Variants in JRK observed in about 807,000 individuals in gnomAD.
The protein encoded by JRK is jerky protein homolog.
For synonymous variants in JRK, 303 were observed against 218.1 expected, an observed-to-expected ratio of 1.39 and a Z score of -3.43; for missense variants, 720 against 509.2, an observed-to-expected ratio of 1.41 and a Z score of -3.98.
In JRK at chr8:142,659,630, G is replaced by A. The variant is rs1554634242; in HGVS notation, c.*4722C>T. 2.0e-6 allele frequency: 2 copies of A among 985,460 alleles called. No homozygotes were observed. The highest frequency in any genetic ancestry group is 1.7e-5 in the African/African-American group (1 of 57,248). The allele number at this position is 985,460 out of a possible 1,614,324, so 61.0% of individuals were successfully genotyped here. A position where few individuals can be genotyped will look rare whatever the true frequency, so the allele number is the denominator to read the frequency against. On this transcript the variant is annotated 3_prime_UTR_variant, in exon 2 of 2. Transcript: ENST00000612905. Reference sequence around the variant, plus strand: ...GCCATACCCAGATTCAGAGGCTCAGGACCACCACGGAACTGAAAGGAGGTT... The same window carrying A: ...GCCATACCCAGATTCAGAGGCTCAGAACCACCACGGAACTGAAAGGAGGTT...
At chr8:142,667,642 C>T (rs2129806742) in intron 1 of JRK, among the ~76,000 whole-genome samples, 1 of 152,354 alleles carries the variant, frequency 6.6e-6, no homozygotes, top group East Asian at 1.9e-4. Context: ...AGCAAGGGTT[C>T]TTCCTGGGCC....
chr8:142,650,792 A>T, the JRK span, among the ~76,000 whole-genome samples: 1 of 152,236 alleles, frequency 6.6e-6, no homozygotes, highest in Non-Finnish European at 1.5e-5. Flanking sequence ...CTAAGTGTCT[A>T]AACTACAGTC....
At position 142,659,233 on chromosome 8, in the gene JRK, G is replaced by C. The variant is rs1035978371; in HGVS notation, c.*5119C>G. ...TCAGAAATAGGGAACCCAAGACCTCGAGAGAGGAAATGGGCCCAGGGACAT... is the reference window on the plus strand; with the variant it reads ...TCAGAAATAGGGAACCCAAGACCTCCAGAGAGGAAATGGGCCCAGGGACAT... On this transcript the variant is annotated 3_prime_UTR_variant, in exon 2 of 2. Transcript: ENST00000612905. 6.2e-6 allele frequency: 7 copies of C among 1,124,548 alleles called. No individual in the cohort carries two copies. The highest frequency in any genetic ancestry group is 7.7e-6 in the Non-Finnish European group (7 of 915,026). 69.7% of individuals were successfully genotyped at this position (1,124,548 alleles called of 1,614,324 possible).
the JRK span, among the ~76,000 whole-genome samples, chr8:142,651,095 G>A: frequency 3.9e-5 from 6 of 151,942 alleles, no homozygotes. Context: ...AGAAGTAAAT[G>A]AAGAAACTAG....
chr8:142,662,826 A>T lies in JRK; in HGVS notation c.*1526T>A. ...AAATGATATGAATTTAAGAGAGGAAAAGAATTCAAGGGCAAAGCACTGAAA... is the reference window on the plus strand; with the variant it reads ...AAATGATATGAATTTAAGAGAGGAATAGAATTCAAGGGCAAAGCACTGAAA... On this transcript the variant is annotated 3_prime_UTR_variant, in exon 2 of 2. Transcript: ENST00000612905. 1 of 985,450 alleles carries T rather than the reference A, an allele frequency of 1.0e-6. No homozygotes were observed. The highest frequency in any genetic ancestry group is 1.2e-6 in the Non-Finnish European group (1 of 829,922). The allele number at this position is 985,450 out of a possible 1,614,324, so 61.0% of individuals were successfully genotyped here. A position where few individuals can be genotyped will look rare whatever the true frequency, so the allele number is the denominator to read the frequency against.
rs1846788910 is a variant in JRK, at chr8:142,657,856, C to T, written c.*6496G>A. The T allele has an allele frequency of 6.6e-6, 1 of 152,296 alleles. No individual in the cohort carries two copies. The highest frequency in any genetic ancestry group is 6.5e-5 in the Admixed American group (1 of 15,284). The allele number at this position is 152,296 out of a possible 1,614,324, so 9.4% of individuals were successfully genotyped here. A position where few individuals can be genotyped will look rare whatever the true frequency, so the allele number is the denominator to read the frequency against. ...GCAGAAGGAGCCTGGCTCTGCCAGA[C>T]AGTTGAGCTGTTTCATTAGCCCTGA... On this transcript the variant is annotated 3_prime_UTR_variant, in exon 2 of 2. Transcript: ENST00000612905.
chr8:142,659,381 AC>A lies in JRK; in HGVS notation c.*4970del. 3 of 990,050 alleles carry A rather than the reference AC, an allele frequency of 3.0e-6. No homozygotes were observed. The highest frequency in any genetic ancestry group is 3.6e-6 in the Non-Finnish European group (3 of 832,680). The allele number at this position is 990,050 out of a possible 1,614,324, so 61.3% of individuals were successfully genotyped here. On this transcript the variant is annotated 3_prime_UTR_variant, in exon 2 of 2. Transcript: ENST00000612905. ...TTCCTTTGGCTACTAAGGAGGCCCA[AC>A]GATCCTCGCCTGTGTGGGACGGGGC...
Position 142,664,453 on chromosome 8 carries a change from C to A in JRK, c.1606G>T (p.Gly536Trp). The stretch of plus-strand genomic sequence containing the variant: ...AGGGCTTCAACCTTGACCACAGCCC[C>A]GAGGGCACCACGCCGCCTCCTCACC... ...QQVRRRRGALGAVVKVEALQE... is the reference protein window; with the variant it reads ...QQVRRRRGALWAVVKVEALQE... Residue 536 changes from glycine (G) to tryptophan (W), a missense_variant, in exon 2 of 2, where the codon GGG (glycine) becomes TGG (tryptophan). Physicochemically the swap from Gly to Trp is radical, Grantham distance 184. Transcript: ENST00000612905. 1 of 1,611,774 alleles carries A rather than the reference C, an allele frequency of 6.2e-7. No individual in the cohort carries two copies. Among genetic ancestry groups the A allele is most frequent in the Non-Finnish European group, 8.5e-7 (1 of 1,179,136 alleles).
At chr8:142,667,432 G>GACACACACACACACACAC (rs59385009) in intron 1 of JRK, among the ~76,000 whole-genome samples, 3 of 146,838 alleles carry the variant, frequency 2.0e-5, no homozygotes, top group African/African-American at 7.7e-5. Context: ...CGGACACGGA[G>GACACACACACACACACAC]ACACACACAC....
chr8:142,644,106 G>C, the JRK span, among the ~76,000 whole-genome samples: 1 of 152,156 alleles, frequency 6.6e-6, no homozygotes, highest in South Asian at 2.1e-4. Context: ...GTTCTCCATA[G>C]GTCCTGAAAG....
chr8:142,644,432 T>A, the JRK span, among the ~76,000 whole-genome samples: 2 of 152,180 alleles, frequency 1.3e-5, no homozygotes, highest in African/African-American at 2.4e-5. Flanking sequence ...AACATATTTA[T>A]ACAAACACAG....
chr8:142,646,966 C>A, the JRK span, among the ~76,000 whole-genome samples: 1 of 152,054 alleles, frequency 6.6e-6, no homozygotes, highest in Non-Finnish European at 1.5e-5. Flanking sequence ...CCTAAGTCTG[C>A]ATATTGAAGG....
rs1199841972 is a variant in JRK at position 142,660,824 on chromosome 8, T to C, written c.*3528A>G. The C allele has an allele frequency of 1.0e-6, 1 of 985,440 alleles. No homozygotes were observed. The highest frequency in any genetic ancestry group is 1.2e-6 in the Non-Finnish European group (1 of 830,098). The allele number at this position is 985,440 out of a possible 1,614,324, so 61.0% of individuals were successfully genotyped here. The stretch of plus-strand genomic sequence containing the variant: ...CAGCCTCCCAAGAATGGATGCAGTC[T>C]ACACCTTCTGCAAACCCCTGCCTCA... On this transcript the variant is annotated 3_prime_UTR_variant, in exon 2 of 2. Coordinates refer to ENST00000612905, the MANE Select transcript of JRK (RefSeq NM_003724.4).
chr8:142,661,442 C>A lies in JRK; in HGVS notation c.*2910G>T, dbSNP rs1177356633. ...CAGGCCTGAGCACTCAGGGGTGCCA[C>A]CCCAAAGATGAAGGCAGTGGTGGAA... On this transcript the variant is annotated 3_prime_UTR_variant, in exon 2 of 2. Coordinates refer to ENST00000612905, the MANE Select transcript of JRK (RefSeq NM_003724.4). 9.1e-6 allele frequency: 9 copies of A among 985,378 alleles called. No homozygotes were observed. The highest frequency in any genetic ancestry group is 1.1e-5 in the Non-Finnish European group (9 of 830,004). The allele number at this position is 985,378 out of a possible 1,614,324, so 61.0% of individuals were successfully genotyped here. A position where few individuals can be genotyped will look rare whatever the true frequency, so the allele number is the denominator to read the frequency against.
Position 142,663,004 on chromosome 8 carries a change from A to T in JRK, c.*1348T>A, listed in dbSNP as rs1397393624. ...GTGAGACCCTGTCTCTACAAAAAAA[A>T]TAAAAAGGCGCGGTGGTGCGTGCCT... On this transcript the variant is annotated 3_prime_UTR_variant, in exon 2 of 2. Coordinates refer to ENST00000612905, the MANE Select transcript of JRK (RefSeq NM_003724.4). 8 of 552,800 alleles carry T rather than the reference A, an allele frequency of 1.4e-5. No individual in the cohort carries two copies. Among genetic ancestry groups the T allele is most frequent in the Non-Finnish European group, 1.8e-5 (8 of 456,524 alleles). 34.2% of individuals were successfully genotyped at this position (552,800 alleles called of 1,614,324 possible).
Position 142,665,803 on chromosome 8 carries a change from G to C in JRK, c.256C>G (p.Leu86Val). 1.3e-6 allele frequency: 1 copy of C among 778,876 alleles called. No homozygotes were observed. The highest frequency in any genetic ancestry group is 1.3e-5 in the South Asian group (1 of 74,406). 48.2% of individuals were successfully genotyped at this position (778,876 alleles called of 1,614,324 possible). The change falls in exon 2 of 2, where the codon CTG becomes GTG. Residue 86 changes from leucine (L) to valine (V), a missense_variant. Leu to Val is a conservative substitution (Grantham distance 32). Coordinates refer to ENST00000612905, the MANE Select transcript of JRK (RefSeq NM_003724.4). ...TACAGGACGCGGTCCAGGTGCTCCA[G>C]CTTGGGCGTGTGCAGCGTGCGCCGC... ...EQRRTLHTPK[L>V]EHLDRVLYEW...
the JRK span, among the ~76,000 whole-genome samples, chr8:142,650,679 G>A: frequency 3.9e-5 from 6 of 152,290 alleles, no homozygotes; most frequent in South Asian, 4.1e-4. Context: ...GCTCCCCAGC[G>A]ATGCCAAACT....
chr8:142,663,164 A>G lies in JRK; in HGVS notation c.*1188T>C. ...TGAGACCCTGCCTCAAGAAAAGAAA[A>G]GGACAATGCACCTATTTTATGCTCG... On this transcript the variant is annotated 3_prime_UTR_variant, in exon 2 of 2. Transcript: ENST00000612905. 8.1e-6 allele frequency: 8 copies of G among 985,354 alleles called. No individual in the cohort carries two copies. The highest frequency in any genetic ancestry group is 9.6e-6 in the Non-Finnish European group (8 of 829,852). The allele number at this position is 985,354 out of a possible 1,614,324, so 61.0% of individuals were successfully genotyped here. A position where few individuals can be genotyped will look rare whatever the true frequency, so the allele number is the denominator to read the frequency against.
At chr8:142,652,898 G>A (rs1225360040), downstream of JRK, among the ~76,000 whole-genome samples, 1 of 152,206 alleles carries the variant, frequency 6.6e-6, no homozygotes, top group South Asian at 2.1e-4. Flanking sequence ...AAAAATTGAT[G>A]ATGTTCATTC....
Sources: allele counts gnomAD v4.1 joint callset (sites outside exome capture counted in the v4.1 genomes callset), GRCh38; gene constraint gnomAD v4.1.1; transcripts MANE v1.5; gene names NCBI Gene and HGNC (gene_info 2026-07-23, HGNC 2026-07-21).